ARMC2: variants seen among roughly 807,000 people sequenced by gnomAD.
The protein encoded by ARMC2 is armadillo repeat containing 2.
ARMC2 carries 67 observed loss-of-function variants against 90.3 expected under a neutral mutation model. The ratio of observed to expected loss-of-function variants is 0.74; its 90% confidence interval spans 0.61 to 0.91. ARMC2 has a LOEUF of 0.91. Among genes scored for constraint, ARMC2 ranks in the 40% least tolerant of loss-of-function variants. ARMC2 has a pLI of 0.00. For synonymous variants in ARMC2, 393 were observed against 393.0 expected, an observed-to-expected ratio of 1.00 and a Z score of 0.00; for missense variants, 920 against 1,030.9, an observed-to-expected ratio of 0.89 and a Z score of 1.47.
chr6:108,956,386 A>G (rs1362375609), intron 13 of ARMC2, among the ~76,000 whole-genome samples: 2 of 152,176 alleles, frequency 1.3e-5, no homozygotes, highest in Non-Finnish European at 2.9e-5. Context: ...AAAGAAAGTG[A>G]TGCTTTGGGG....
chr6:109,028,939 T>C, the ARMC2 span, among the ~76,000 whole-genome samples: 2 of 152,150 alleles, frequency 1.3e-5, no homozygotes, highest in Non-Finnish European at 2.9e-5. Context: ...TATCTCTGAA[T>C]TGGGGCTGAA....
At chr6:109,008,814 C>T in the ARMC2 span, 5 of 985,498 alleles carry the variant, frequency 5.1e-6, no homozygotes, top group African/African-American at 7.0e-5. Flanking sequence ...CTGTGCATAA[C>T]GTCATAGAGC....
chr6:108,859,017 TCTGA>T (rs1774945126), intron 3 of ARMC2, among the ~76,000 whole-genome samples: 1 of 152,254 alleles, frequency 6.6e-6, no homozygotes, highest in Non-Finnish European at 1.5e-5. Flanking sequence ...ATCTGTTTTC[TCTGA>T]CTGTGATTAC....
At chr6:108,927,403 T>C (rs1443703637) in intron 10 of ARMC2, among the ~76,000 whole-genome samples, 1 of 152,220 alleles carries the variant, frequency 6.6e-6, no homozygotes, top group Admixed American at 6.5e-5. Flanking sequence ...CTGAACTGGC[T>C]CTTAACCAGT....
chr6:108,954,708 T>C (rs899239404), intron 13 of ARMC2, among the ~76,000 whole-genome samples: 1 of 152,174 alleles, frequency 6.6e-6, no homozygotes, highest in Admixed American at 6.5e-5. Context: ...ACAAATGATG[T>C]TTTGGAGGAG....
chr6:108,890,298 C>T (rs951515451), intron 5 of ARMC2, among the ~76,000 whole-genome samples: 1 of 146,538 alleles, frequency 6.8e-6, no homozygotes, highest in Admixed American at 6.8e-5. Flanking sequence ...CATTCTTTAG[C>T]TCAATAAGAT....
At chr6:108,922,479 C>T (rs1417539236) in intron 10 of ARMC2, among the ~76,000 whole-genome samples, 1 of 152,008 alleles carries the variant, frequency 6.6e-6, no homozygotes, top group Non-Finnish European at 1.5e-5. Flanking sequence ...GCTAAGGTTT[C>T]TCAATTAATT....
chr6:108,963,665 A>G (rs1778154764), intron 15 of ARMC2, among the ~76,000 whole-genome samples: 1 of 152,200 alleles, frequency 6.6e-6, no homozygotes, highest in Non-Finnish European at 1.5e-5. Context: ...CTCCTGAGGC[A>G]GGAGCCTGTC....
At chr6:108,898,763 A>C (rs927286384) in intron 6 of ARMC2, among the ~76,000 whole-genome samples, 2 of 152,218 alleles carry the variant, frequency 1.3e-5, no homozygotes, top group Non-Finnish European at 2.9e-5. Context: ...CTTCACTTGC[A>C]AAATGGAGAC....
At chr6:108,902,895 C>T (rs924011563) in intron 7 of ARMC2, among the ~76,000 whole-genome samples, 6 of 151,966 alleles carry the variant, frequency 3.9e-5, no homozygotes, top group Admixed American at 3.3e-4. Context: ...AGTGTGGCTG[C>T]CACTTCCAAA....
At chr6:108,921,171 A>G (rs1002438256) in intron 10 of ARMC2, among the ~76,000 whole-genome samples, 5 of 152,188 alleles carry the variant, frequency 3.3e-5, no homozygotes, top group African/African-American at 1.2e-4. Flanking sequence ...CTGCATTGCC[A>G]TTCTAGATTG....
At chr6:108,867,830 G>T (rs755604312) in intron 3 of ARMC2, among the ~76,000 whole-genome samples, 1 of 150,716 alleles carries the variant, frequency 6.6e-6, no homozygotes, top group South Asian at 2.1e-4. Flanking sequence ...AGCTACTCGG[G>T]AGCTGAGGCC....
In ARMC2 at chr6:108,863,176, G is replaced by A. The variant is rs145005155; in HGVS notation, c.291+4905G>A. On this transcript the variant is annotated intron_variant, in intron 3 of 17. Coordinates refer to ENST00000392644, the MANE Select transcript of ARMC2 (RefSeq NM_032131.6). Reference sequence around the variant, plus strand: ...TTTGTTTTTTCTGAGACAGAGTCTCGCTCTGTCACCCAGGCTGGAGTTCAA... The same window carrying A: ...TTTGTTTTTTCTGAGACAGAGTCTCACTCTGTCACCCAGGCTGGAGTTCAA... Among the ~76,000 whole-genome samples the A allele has an allele frequency of 9.9e-3, 1,513 of 152,174 alleles. 20 individuals carry two copies. The highest frequency in any genetic ancestry group is 0.032 in the African/African-American group (1,310 of 41,504).
chr6:109,028,166 C>A, the ARMC2 span, among the ~76,000 whole-genome samples: 2 of 151,970 alleles, frequency 1.3e-5, no homozygotes, highest in Non-Finnish European at 2.9e-5. Flanking sequence ...CATCTGTTTT[C>A]TTCTGAAAGT....
chr6:108,888,632 A>G (rs928999645), intron 5 of ARMC2, among the ~76,000 whole-genome samples: 2 of 151,986 alleles, frequency 1.3e-5, no homozygotes, highest in African/African-American at 2.4e-5. Flanking sequence ...TAACGGAGTG[A>G]TTTTCTTTTC....
chr6:108,963,755 C>G (rs901342783), intron 15 of ARMC2, among the ~76,000 whole-genome samples: 1 of 152,188 alleles, frequency 6.6e-6, no homozygotes, highest in Non-Finnish European at 1.5e-5. Context: ...ACACATGGCC[C>G]TGGGAGACTT....
Position 108,938,477 on chromosome 6 carries a change from C to A in ARMC2, c.1596+1478C>A, listed in dbSNP as rs553325719. 2.7e-5 allele frequency among the ~76,000 whole-genome samples: 4 copies of A among 150,650 alleles called. No homozygotes were observed. The South Asian group carries it at 8.4e-4, about 31-fold the overall frequency. On this transcript the variant is annotated intron_variant, in intron 12 of 17. Coordinates refer to ENST00000392644, the MANE Select transcript of ARMC2 (RefSeq NM_032131.6). ...CATGTGCTGGGATTACAGGTGTGAG[C>A]CACTGTGCCTGGCCCAAAAGAATTC...
At chr6:108,900,390 C>T (rs1319656259) in intron 7 of ARMC2, among the ~76,000 whole-genome samples, 3 of 151,858 alleles carry the variant, frequency 2.0e-5, no homozygotes, top group Non-Finnish European at 2.9e-5. Flanking sequence ...GATGGCCCTC[C>T]ACTTTCTCCC....
At chr6:108,874,138 A>C (rs569169490) in intron 4 of ARMC2, among the ~76,000 whole-genome samples, 1 of 152,356 alleles carries the variant, frequency 6.6e-6, no homozygotes, top group Non-Finnish European at 1.5e-5. Flanking sequence ...GACCATAGTT[A>C]CACATGCTCA....
Sources: allele counts gnomAD v4.1 joint callset (sites outside exome capture counted in the v4.1 genomes callset), GRCh38; gene constraint gnomAD v4.1.1; transcripts MANE v1.5; gene names NCBI Gene and HGNC (gene_info 2026-07-23, HGNC 2026-07-21).